Variants in CTNNA3 observed in about 807,000 individuals in gnomAD.
CTNNA3 encodes catenin alpha 3, also known as catenin alpha-3.
CTNNA3 carries 76 observed loss-of-function variants against 95.7 expected under a neutral mutation model. The ratio of observed to expected loss-of-function variants is 0.79; its 90% CI spans 0.66 to 0.96. CTNNA3 has a LOEUF of 0.96. Ranked by LOEUF, CTNNA3 falls within the 40% of genes least tolerant of loss-of-function variation. The pLI, the probability that CTNNA3 is intolerant of heterozygous loss-of-function variation, is 0.00. For missense variants in CTNNA3, 1,191 were observed against 1,089.8 expected (o/e 1.09, Z -1.31); for synonymous variants, 431 against 374.4 (o/e 1.15, Z -1.74).
At chr10:67,721,000 G>A (rs1251441100) in intron 1 of CTNNA3, among the ~76,000 whole-genome samples, 1 of 152,126 alleles carries the variant, frequency 6.6e-6, no homozygotes, top group Non-Finnish European at 1.5e-5. Flanking sequence ...TGGCTTGAAA[G>A]GTTTCTGCAG....
intron 5 of CTNNA3, among the ~76,000 whole-genome samples, chr10:67,350,244 C>A (rs1842579733): frequency 6.6e-6 from 1 of 151,994 alleles, no homozygotes; most frequent in African/African-American, 2.4e-5. Context: ...AACTACTAGA[C>A]CATACCATGG....
At chr10:67,537,969 T>TG (rs374272497) in intron 4 of CTNNA3, among the ~76,000 whole-genome samples, 11 of 145,904 alleles carry the variant, frequency 7.5e-5, no homozygotes, top group African/African-American at 2.2e-4. Flanking sequence ...CTACTTAAAC[T>TG]AAAAAAAAAA....
intron 7 of CTNNA3, among the ~76,000 whole-genome samples, chr10:66,880,360 G>A (rs966414499): frequency 2.0e-5 from 3 of 152,104 alleles, no homozygotes; most frequent in Non-Finnish European, 4.4e-5. Flanking sequence ...GTATCAGAGT[G>A]TATTCCCCAA....
chr10:66,107,501 A>G (rs1249827054), intron 13 of CTNNA3, among the ~76,000 whole-genome samples: 1 of 152,202 alleles, frequency 6.6e-6, no homozygotes, highest in Non-Finnish European at 1.5e-5. Context: ...TTCAAGCAAA[A>G]GAAGCCAAAA....
intron 7 of CTNNA3, among the ~76,000 whole-genome samples, chr10:66,929,265 G>T (rs1847238891): frequency 6.6e-6 from 1 of 152,180 alleles, no homozygotes; most frequent in African/African-American, 2.4e-5. Context: ...TGAGAAGCCA[G>T]ATTTCTCCAC....
chr10:66,260,300 C>T (rs1311703448), intron 13 of CTNNA3, among the ~76,000 whole-genome samples: 1 of 152,136 alleles, frequency 6.6e-6, no homozygotes, highest in Non-Finnish European at 1.5e-5. Flanking sequence ...ATCATCTCTG[C>T]CCTCCAATCC....
At chr10:66,542,220 A>G (rs896615952) in intron 10 of CTNNA3, among the ~76,000 whole-genome samples, 3 of 152,168 alleles carry the variant, frequency 2.0e-5, no homozygotes, top group African/African-American at 7.2e-5. Context: ...AATGGCAATC[A>G]TTAAAAAATC....
chr10:66,537,696 C>T (rs1313814151), intron 10 of CTNNA3, among the ~76,000 whole-genome samples: 1 of 151,644 alleles, frequency 6.6e-6, no homozygotes, highest in Non-Finnish European at 1.5e-5. Context: ...GCAGTGCTCA[C>T]CCCTACAGCC....
At chr10:66,779,430 C>T (rs1471304596) in intron 7 of CTNNA3, among the ~76,000 whole-genome samples, 1 of 152,106 alleles carries the variant, frequency 6.6e-6, no homozygotes, top group Non-Finnish European at 1.5e-5. Flanking sequence ...CATCTCGGCT[C>T]ACTGCAACCT....
chr10:67,156,598 G>A (rs534203999), intron 7 of CTNNA3, among the ~76,000 whole-genome samples: 8 of 151,588 alleles, frequency 5.3e-5, no homozygotes, highest in South Asian at 2.1e-4. Context: ...TTTTTCTTCT[G>A]CTACTAATAT....
chr10:66,535,654 A>G (rs1014165592), intron 10 of CTNNA3, among the ~76,000 whole-genome samples: 1 of 152,182 alleles, frequency 6.6e-6, no homozygotes, highest in Non-Finnish European at 1.5e-5. Flanking sequence ...TGAGTCTTCT[A>G]ACATATCAGA....
chr10:66,869,598 A>G (rs1844315317), intron 7 of CTNNA3, among the ~76,000 whole-genome samples: 1 of 152,114 alleles, frequency 6.6e-6, no homozygotes, highest in South Asian at 2.1e-4. Context: ...ATTAATAAAT[A>G]AAATAAAAGA....
intron 7 of CTNNA3, among the ~76,000 whole-genome samples, chr10:66,946,741 G>A (rs1220562163): frequency 6.6e-6 from 1 of 151,854 alleles, no homozygotes; most frequent in Non-Finnish European, 1.5e-5. Context: ...TCTCATCTCT[G>A]TCCCTCCCCA....
rs548751903 is a variant in CTNNA3, at chr10:67,188,457, T to A, written c.844-7937A>T. Reference sequence around the variant, plus strand: ...ATTCACAGAATTCTTAGGGAGGGATTTAGATCCATAGAACATGGAATTGAA... The same window carrying A: ...ATTCACAGAATTCTTAGGGAGGGATATAGATCCATAGAACATGGAATTGAA... On this transcript the variant is annotated intron_variant, in intron 6 of 17. Coordinates refer to ENST00000433211, the MANE Select transcript of CTNNA3 (RefSeq NM_013266.4). 2.5e-3 allele frequency among the ~76,000 whole-genome samples: 375 copies of A among 152,266 alleles called. 2 individuals carry two copies. Among genetic ancestry groups the A allele is most frequent in the Non-Finnish European group, 6.9e-4 (47 of 68,020 alleles).
chr10:67,412,496 A>C (rs969143880), intron 5 of CTNNA3, among the ~76,000 whole-genome samples: 3 of 152,090 alleles, frequency 2.0e-5, no homozygotes, highest in African/African-American at 7.2e-5. Flanking sequence ...AAATCCAAGA[A>C]ATACAGAGAA....
chr10:66,051,048 G>A (rs970865912), intron 15 of CTNNA3, among the ~76,000 whole-genome samples: 1 of 151,978 alleles, frequency 6.6e-6, no homozygotes, highest in African/African-American at 2.4e-5. Context: ...TGTGGTGGGA[G>A]GGAAAAGTGA....
At chr10:66,704,353 T>A (rs1360032311) in intron 9 of CTNNA3, among the ~76,000 whole-genome samples, 1 of 152,146 alleles carries the variant, frequency 6.6e-6, no homozygotes, top group Non-Finnish European at 1.5e-5. Context: ...CTTTTTCTTA[T>A]CACTGTTACC....
rs56846431 is a variant in CTNNA3 at position 67,127,601 on chromosome 10, C to T, written c.1047+52716G>A. ...CCAGCAAAACAATCAGACTTCATAT[C>T]ACTCCCCAACATCTGAGTCATAACA... On this transcript the variant is annotated intron_variant, in intron 7 of 17. Coordinates refer to ENST00000433211, the MANE Select transcript of CTNNA3 (RefSeq NM_013266.4). Among the ~76,000 whole-genome samples the T allele has an allele frequency of 0.01, 1,594 of 152,230 alleles. 75 individuals carry two copies. The East Asian group carries it at 0.14, about 13-fold the overall frequency.
chr10:66,782,229 AG>A (rs1840564979), intron 7 of CTNNA3, among the ~76,000 whole-genome samples: 1 of 152,136 alleles, frequency 6.6e-6, no homozygotes, highest in Non-Finnish European at 1.5e-5. Flanking sequence ...AAAAGGATAA[AG>A]GGTATACAAA....
Sources: allele counts gnomAD v4.1 joint callset (sites outside exome capture counted in the v4.1 genomes callset), GRCh38; gene constraint gnomAD v4.1.1; transcripts MANE v1.5; gene names NCBI Gene and HGNC (gene_info 2026-07-23, HGNC 2026-07-21).